The following NDRG2 variants were observed in gnomAD, a reference collection of about 807,000 sequenced individuals.
The protein encoded by NDRG2 is NDRG family member 2.
In NDRG2, 34 loss-of-function variants were observed where a neutral mutation model predicts 58.2. That is an observed-to-expected ratio of 0.58 (90% confidence interval 0.44 to 0.78). The LOEUF (loss-of-function observed/expected upper bound fraction) is 0.78, where lower values mean the gene tolerates loss of function less well. Among genes scored for constraint, NDRG2 ranks in the 30% least tolerant of loss-of-function variants. The pLI, the probability that NDRG2 is intolerant of heterozygous loss-of-function variation, is 0.00. For missense variants in NDRG2, 434 were observed against 471.2 expected (o/e 0.92, Z 0.73); for synonymous variants, 187 against 175.9 (o/e 1.06, Z -0.50).
At chr14:21,052,545 T>C (rs1885512053) in intron 1 of NDRG2, among the ~76,000 whole-genome samples, 1 of 152,176 alleles carries the variant, frequency 6.6e-6, no homozygotes, top group Admixed American at 6.5e-5. Context: ...AAACATGTGC[T>C]GGAGACAAAA....
At chr14:21,050,404 C>A (rs1252562239) in intron 1 of NDRG2, among the ~76,000 whole-genome samples, 1 of 152,220 alleles carries the variant, frequency 6.6e-6, no homozygotes, top group Non-Finnish European at 1.5e-5. Context: ...TTACAGAGAT[C>A]CTGTTTGGTG....
At chr14:21,030,981 A>C (rs1490982311) in intron 1 of NDRG2, 1 of 1,582,128 alleles carries the variant, frequency 6.3e-7, no homozygotes. Context: ...TTCATGCTCC[A>C]AAGTTTCTGG....
chr14:21,017,833 G>A, intron 15 of NDRG2, 71 bp from the exon 16 acceptor site: 1 of 1,604,930 alleles, frequency 6.2e-7, no homozygotes, highest in Non-Finnish European at 8.5e-7. Flanking sequence ...CTCAGGGTGT[G>A]GTCCTTGGAT....
At chr14:21,031,164 C>T (rs775584852) in intron 1 of NDRG2, 2 of 1,613,340 alleles carry the variant, frequency 1.2e-6, no homozygotes, top group East Asian at 2.2e-5. Flanking sequence ...ACTGGCGCTA[C>T]TGTGAGTGAC....
upstream of NDRG2, chr14:21,025,653 C>T: frequency 1.0e-6 from 1 of 985,346 alleles, no homozygotes; most frequent in Non-Finnish European, 1.2e-6. This position sits in a 1 kb window ranked among gnomAD's most constrained non-coding sequence, Gnocchi z 5.1. Flanking sequence ...AGTTCCGACT[C>T]CCTCGTGCCC....
At chr14:21,053,961 G>C (rs2139141284) in intron 1 of NDRG2, among the ~76,000 whole-genome samples, 1 of 152,342 alleles carries the variant, frequency 6.6e-6, no homozygotes, top group South Asian at 2.1e-4. Flanking sequence ...AAAGAGGTGG[G>C]ACCAGAATTC....
chr14:21,058,293 A>G, intron 1 of NDRG2: 1 of 1,613,968 alleles, frequency 6.2e-7, no homozygotes, highest in Non-Finnish European at 8.5e-7. Context: ...GTGGCCTGTG[A>G]CCCTCCACAA....
At chr14:21,030,307 A>C, upstream of NDRG2, 1 of 424,968 alleles carries the variant, frequency 2.4e-6, no homozygotes, top group Non-Finnish European at 4.3e-6. Context: ...ACTCTAAGGT[A>C]CATAAAAGAG....
At chr14:21,032,250 T>G in intron 1 of NDRG2, 1 of 722,700 alleles carries the variant, frequency 1.4e-6, no homozygotes, top group South Asian at 1.5e-5. Context: ...GGGTGGGTTC[T>G]CCACCACACA....
chr14:21,020,066 C>A, intron 8 of NDRG2, 90 bp from the exon 9 acceptor site: 2 of 1,207,002 alleles, frequency 1.7e-6, no homozygotes, highest in Non-Finnish European at 2.4e-6. Flanking sequence ...GAGGCCGAGG[C>A]GGGTGGATCA....
At chr14:21,044,757 G>C (rs1054139314) in intron 1 of NDRG2, among the ~76,000 whole-genome samples, 1 of 152,136 alleles carries the variant, frequency 6.6e-6, no homozygotes, top group Admixed American at 6.5e-5. Flanking sequence ...CAAACAAGCT[G>C]CATTGTGTCC....
At chr14:21,028,948 G>A (rs569945020), upstream of NDRG2, 2 of 152,336 alleles carry the variant, frequency 1.3e-5, no homozygotes, top group East Asian at 3.9e-4. Context: ...TAGGATCCGT[G>A]AGGTTCATCT....
chr14:21,064,821 T>C (rs979624021), intron 1 of NDRG2, among the ~76,000 whole-genome samples: 1 of 152,148 alleles, frequency 6.6e-6, no homozygotes, highest in Non-Finnish European at 1.5e-5. Context: ...TCCTCCAGAC[T>C]CTTCTACTAC....
intron 1 of NDRG2, chr14:21,032,296 T>A (rs3818615): frequency 0.3 from 195,427 of 647,012 alleles, 31,387 homozygotes; most frequent in East Asian, 0.4. Flanking sequence ...CTACCAGCCA[T>A]CAGTTAGCAT....
chr14:21,043,461 T>A, intron 1 of NDRG2: 1 of 1,580,226 alleles, frequency 6.3e-7, no homozygotes, highest in South Asian at 1.2e-5. Flanking sequence ...CAGAGTCCTT[T>A]AGGTTTCCAG....
At position 21,022,435 on chromosome 14, in the gene NDRG2, G is replaced by T; in HGVS notation, c.180C>A (p.Pro60=). Residue 60 remains proline (P), a synonymous_variant, in exon 4 of 16, where the codon CCC becomes CCA. Transcript: ENST00000556147. ...GGTAGGTAAGGATCGCTGGGCGTTT[G>T]GGTTTGGGGGTGCCATAGACAGTGA... ...VTFTVYGTPK[P]KRPAILTYHD... 6.2e-7 allele frequency: 1 copy of T among 1,614,104 alleles called. No homozygotes were observed. Among genetic ancestry groups the T allele is most frequent in the Non-Finnish European group, 8.5e-7 (1 of 1,179,998 alleles).
chr14:21,048,695 G>A (rs551045974), intron 1 of NDRG2, among the ~76,000 whole-genome samples: 2 of 152,336 alleles, frequency 1.3e-5, no homozygotes, highest in South Asian at 4.1e-4. Flanking sequence ...AGCATGTAGG[G>A]AAAGTTTGAA....
chr14:21,025,999 C>T (rs374124971), upstream of NDRG2, among the ~76,000 whole-genome samples: 50 of 152,256 alleles, frequency 3.3e-4, no homozygotes, highest in African/African-American at 1.1e-3. This position sits in a 1 kb window ranked among gnomAD's most constrained non-coding sequence, Gnocchi z 5.1. Context: ...GACCCTGTGG[C>T]TTCGCCGCTA....
At chr14:21,037,332 T>C (rs1391630782) in intron 1 of NDRG2, among the ~76,000 whole-genome samples, 1 of 152,266 alleles carries the variant, frequency 6.6e-6, no homozygotes, top group Middle Eastern at 3.2e-3. Flanking sequence ...CATGGTGTCA[T>C]GTGCTCCGTA....
Sources: allele counts gnomAD v4.1 joint callset (sites outside exome capture counted in the v4.1 genomes callset), GRCh38; gene constraint gnomAD v4.1.1; non-coding constraint Gnocchi (gnomAD v3.1); transcripts MANE v1.5; gene names NCBI Gene and HGNC (gene_info 2026-07-23, HGNC 2026-07-21).